COL20A1: variants seen among roughly 807,000 people sequenced by gnomAD.
COL20A1 encodes collagen alpha-1(XX) chain.
COL20A1 carries 164 observed loss-of-function variants against 152.9 expected under a neutral mutation model. The observed-to-expected ratio is 1.07, with a 90% CI of 0.94 to 1.22. The LOEUF is 1.22. Among genes scored for constraint, COL20A1 ranks in the 50% most tolerant of loss-of-function variants. COL20A1 has a pLI of 0.00. For missense variants in COL20A1, 1,873 were observed against 1,744.8 expected (o/e 1.07, Z -1.31); for synonymous variants, 864 against 756.0 (o/e 1.14, Z -2.34).
At chr20:63,294,195 C>G (rs1244058431) in intron 1 of COL20A1, among the ~76,000 whole-genome samples, 3 of 8,438 alleles carry the variant, frequency 3.6e-4, no homozygotes, top group Admixed American at 2.8e-3. Flanking sequence ...GTGCAGGGGA[C>G]TGGGGGTGCA....
chr20:63,312,626 A>C, intron 15 of COL20A1, 77 bp downstream of exon 15: 1 of 1,492,042 alleles, frequency 6.7e-7, no homozygotes, highest in South Asian at 1.3e-5. Context: ...GTTCACATCA[A>C]GTGTTTTGGG....
intron 3 of COL20A1, among the ~76,000 whole-genome samples, chr20:63,300,119 T>C (rs2067847631): frequency 6.6e-6 from 1 of 152,164 alleles, no homozygotes. Flanking sequence ...TTTGCAAATA[T>C]TTCATTTAAG....
chr20:63,316,511 C>T (rs763971143), intron 20 of COL20A1, 42 bp from the exon 21 acceptor site: 1 of 1,550,386 alleles, frequency 6.5e-7, no homozygotes, highest in Middle Eastern at 1.7e-4. Context: ...CCTGCCATCT[C>T]TGAGGGTCCC....
At chr20:63,328,597 C>A in intron 34 of COL20A1, 99 bp downstream of exon 34, 2 of 1,170,440 alleles carry the variant, frequency 1.7e-6, no homozygotes, top group Non-Finnish European at 2.4e-6. Context: ...GTCAGCACAG[C>A]AGCTCCTGCT....
intron 2 of COL20A1, among the ~76,000 whole-genome samples, chr20:63,296,541 G>T (rs2067796028): frequency 6.6e-6 from 1 of 152,238 alleles, no homozygotes; most frequent in Non-Finnish European, 1.5e-5. Context: ...GTCCAGGGAG[G>T]GGAGCGTGGT....
Position 63,309,316 on chromosome 20 carries a change from TC to T in COL20A1, c.941-14del. 1 of 1,444,344 alleles carries T rather than the reference TC, an allele frequency of 6.9e-7. No homozygotes were observed. Among genetic ancestry groups the T allele is most frequent in the Non-Finnish European group, 9.2e-7 (1 of 1,091,886 alleles). The allele number at this position is 1,444,344 out of a possible 1,614,324, so 89.5% of individuals were successfully genotyped here. A position where few individuals can be genotyped will look rare whatever the true frequency, so the allele number is the denominator to read the frequency against. Reference sequence around the variant, plus strand: ...GACCCCAGTGCAGGCCAACCCCACCTCCCTCCTCACGAGCAGGTGTGAAGAA... The same window carrying T: ...GACCCCAGTGCAGGCCAACCCCACCTCCTCCTCACGAGCAGGTGTGAAGAA... On this transcript the variant is annotated splice_polypyrimidine_tract_variant and intron_variant, in intron 8 of 35. Coordinates refer to ENST00000358894, the MANE Select transcript of COL20A1 (RefSeq NM_020882.4).
chr20:63,323,324 G>A (rs1425025632), intron 27 of COL20A1, among the ~76,000 whole-genome samples: 1 of 152,226 alleles, frequency 6.6e-6, no homozygotes, highest in Admixed American at 6.5e-5. Context: ...TGTTTGCGAC[G>A]TGCGTTTCCA....
At chr20:63,312,629 GT>G in intron 15 of COL20A1, 80 bp downstream of exon 15, 2 of 1,490,816 alleles carry the variant, frequency 1.3e-6, no homozygotes, top group Non-Finnish European at 1.8e-6. Context: ...CACATCAAGT[GT>G]TTTGGGAGCC....
rs772313614 is a variant in COL20A1, at chr20:63,316,708, TG to T, written c.2663+21del. The T allele has an allele frequency of 1.2e-5, 18 of 1,511,438 alleles. No individual in the cohort carries two copies. The highest frequency in any genetic ancestry group is 2.2e-5 in the Admixed American group (1 of 44,912). The allele number at this position is 1,511,438 out of a possible 1,614,324, so 93.6% of individuals were successfully genotyped here. The stretch of plus-strand genomic sequence containing the variant: ...ACGGGTCAGGTGTGAGGGCAAGGGC[TG>T]GGGTGGAGCTGGAAGCCCAGGCTGG... On this transcript the variant is annotated intron_variant, in intron 21 of 35. Coordinates refer to ENST00000358894, the MANE Select transcript of COL20A1 (RefSeq NM_020882.4).
intron 34 of COL20A1, chr20:63,329,294 C>T (rs1347932521): frequency 4.5e-6 from 2 of 444,468 alleles, no homozygotes; most frequent in East Asian, 4.0e-5. Context: ...GAATAAACGG[C>T]CCCCTCTGCA....
chr20:63,302,455 G>A (rs965402480), intron 3 of COL20A1, among the ~76,000 whole-genome samples: 6 of 152,180 alleles, frequency 3.9e-5, no homozygotes, highest in African/African-American at 1.4e-4. Flanking sequence ...TGAGTAGCTG[G>A]GATTACAGGC....
At chr20:63,309,718 T>A in intron 9 of COL20A1, 40 bp from the exon 10 acceptor site, 1 of 1,508,384 alleles carries the variant, frequency 6.6e-7, no homozygotes. Flanking sequence ...CAGCTGCCCG[T>A]GCAGTGACCA....
In COL20A1 at chr20:63,326,787, T is replaced by G; in HGVS notation, c.3492T>G (p.Ser1164Arg). 1 of 1,500,064 alleles carries G rather than the reference T, an allele frequency of 6.7e-7. No homozygotes were observed. Among genetic ancestry groups the G allele is most frequent in the Non-Finnish European group, 8.8e-7 (1 of 1,136,538 alleles). 92.9% of individuals were successfully genotyped at this position (1,500,064 alleles called of 1,614,324 possible). ...GCATGGCAGGGGCCAGGGGCACTAG[T>G]GGAGAGCGAGGACCTCCAGGGACCG... Reference protein sequence around the residue: ...FQGMAGARGTSGERGPPGTVG... With the variant: ...FQGMAGARGTRGERGPPGTVG... The change falls in exon 31 of 36, where the codon AGT (serine) becomes AGG (arginine). Residue 1164 changes from serine (S) to arginine (R), a missense_variant. Physicochemically the swap from Ser to Arg is moderately radical, Grantham distance 110. Transcript: ENST00000358894.
chr20:63,311,759 C>A lies in COL20A1; in HGVS notation c.1663+11C>A. 6.3e-7 allele frequency: 1 copy of A among 1,585,424 alleles called. No homozygotes were observed. Among genetic ancestry groups the A allele is most frequent in the East Asian group, 2.3e-5 (1 of 44,018 alleles). On this transcript the variant is annotated intron_variant, in intron 13 of 35. Transcript: ENST00000358894. The surrounding 1 kb of genome is among the most constrained non-coding windows in gnomAD (Gnocchi z 4.4). ...TCCGTGCCAGGACCCGTGAGTGCTC[C>A]AACCCCGGCTGCCTGCCCACAGGCG...
chr20:63,313,086 C>A lies in COL20A1; in HGVS notation c.2077-31C>A. 6.3e-7 allele frequency: 1 copy of A among 1,591,838 alleles called. No homozygotes were observed. The highest frequency in any genetic ancestry group is 1.3e-5 in the African/African-American group (1 of 74,436). On this transcript the variant is annotated intron_variant, in intron 16 of 35. Coordinates refer to ENST00000358894, the MANE Select transcript of COL20A1 (RefSeq NM_020882.4). This position sits in a 1 kb window ranked among gnomAD's most constrained non-coding sequence, Gnocchi z 5.9. ...CCCCAACCTGAGGACCCCACTGCAC[C>A]CGGTGACCCCTGGGGCTCTCCTCTC...
intron 27 of COL20A1, among the ~76,000 whole-genome samples, chr20:63,322,932 T>C (rs1334360534): frequency 3.9e-5 from 6 of 152,188 alleles, no homozygotes; most frequent in African/African-American, 1.2e-4. Flanking sequence ...TCAGAGCACA[T>C]CTCAGGCACA....
rs1276921280 is a variant in COL20A1 at position 63,319,572 on chromosome 20, G to A, written c.2892G>A (p.Lys964=). Residue 964 remains lysine, a synonymous_variant, in exon 23 of 36, where the codon AAG becomes AAA. Coordinates refer to ENST00000358894, the MANE Select transcript of COL20A1 (RefSeq NM_020882.4). This position sits in a 1 kb window ranked among gnomAD's most constrained non-coding sequence, Gnocchi z 4.4. ...CCTTCGACCCGCAGGAAGTGAGGAA[G>A]ATTTTCTTCGGGAGCTTCCACAAGG... ...EATFDPQEVR[K]IFFGSFHKVH... is the part of the protein sequence containing the mutation. 2.5e-6 allele frequency: 4 copies of A among 1,588,674 alleles called. No individual in the cohort carries two copies.
intron 2 of COL20A1, among the ~76,000 whole-genome samples, chr20:63,296,086 C>T (rs765516972): frequency 3.3e-4 from 50 of 152,374 alleles, no homozygotes; most frequent in East Asian, 5.8e-4. Context: ...GCGGGAGCCC[C>T]GGTGTAGCGT....
At chr20:63,310,710 C>T (rs1324401890) in intron 11 of COL20A1, among the ~76,000 whole-genome samples, 200 bp downstream of exon 11, 1 of 152,080 alleles carries the variant, frequency 6.6e-6, no homozygotes, top group Non-Finnish European at 1.5e-5. Flanking sequence ...TTCTGAACAC[C>T]AGCTATACCG....
Sources: gnomAD v4.1 joint callset for allele counts (sites outside exome capture counted in the v4.1 genomes callset) on GRCh38, gnomAD v4.1.1 for gene constraint, Gnocchi (gnomAD v3.1) non-coding constraint, MANE v1.5 for transcripts, NCBI Gene and HGNC (gene_info 2026-07-23, HGNC 2026-07-21) for gene names.